ACER1: variants seen among roughly 807,000 people sequenced by gnomAD.
ACER1 encodes the protein alkaline ceramidase 1.
Under a neutral mutation model 24.9 loss-of-function variants are expected in ACER1, and 28 were observed. That is an observed-to-expected ratio of 1.13 (90% CI 0.83 to 1.54). ACER1 has a LOEUF of 1.54. Ranked by LOEUF, ACER1 falls within the 40% of genes most tolerant of loss-of-function variation. The probability of loss-of-function intolerance (pLI) is 0.00; values close to 1 mark genes in which losing one functional copy is unlikely to be tolerated. For missense variants in ACER1, 352 were observed against 349.3 expected (o/e 1.01, Z -0.06); for synonymous variants, 132 against 131.4 (o/e 1.00, Z -0.03).
chr19:6,358,635 A>AGTAAGT, the ACER1 span, among the ~76,000 whole-genome samples: 1 of 150,564 alleles, frequency 6.6e-6, no homozygotes, highest in Non-Finnish European at 1.5e-5. Flanking sequence ...TCAAAAAAAA[A>AGTAAGT]AAAAAAAGAG....
intron 1 of ACER1, among the ~76,000 whole-genome samples, chr19:6,329,867 A>T (rs75707041): frequency 6.6e-6 from 1 of 150,758 alleles, no homozygotes; most frequent in Non-Finnish European, 1.5e-5. Flanking sequence ...TTAATTTTTT[A>T]ATTTTTAATT....
intron 3 of ACER1, among the ~76,000 whole-genome samples, chr19:6,311,365 G>A (rs962949907): frequency 1.3e-5 from 2 of 151,808 alleles, no homozygotes; most frequent in African/African-American, 2.4e-5. Context: ...CCAACATGGT[G>A]AAACCGTCTC....
the ACER1 span, chr19:6,353,211 A>G: frequency 6.6e-6 from 1 of 152,226 alleles, no homozygotes; most frequent in Admixed American, 6.6e-5. Flanking sequence ...TTGCGCCTAT[A>G]GTCTCAGCTG....
chr19:6,331,218 T>G (rs981041805), intron 1 of ACER1, among the ~76,000 whole-genome samples: 1 of 147,198 alleles, frequency 6.8e-6, no homozygotes, highest in Non-Finnish European at 1.5e-5. Context: ...GACACAATCT[T>G]GGCTCACTGC....
intron 1 of ACER1, among the ~76,000 whole-genome samples, chr19:6,320,352 A>G (rs151137730): frequency 0.066 from 10,070 of 152,042 alleles, 370 homozygotes; most frequent in East Asian, 0.12. Flanking sequence ...TCACTCTGTC[A>G]CCCAGGCTGG....
At chr19:6,338,888 T>TA in the ACER1 span, among the ~76,000 whole-genome samples, 1 of 151,676 alleles carries the variant, frequency 6.6e-6, no homozygotes. Context: ...AAATCTTTTT[T>TA]TTTTTTTAAG....
At chr19:6,352,002 G>A in the ACER1 span, among the ~76,000 whole-genome samples, 16 of 147,786 alleles carry the variant, frequency 1.1e-4, no homozygotes, top group African/African-American at 4.0e-4. Context: ...CTTGCAGTGA[G>A]CCGAGATCAC....
intron 1 of ACER1, among the ~76,000 whole-genome samples, chr19:6,326,047 T>C (rs2091659557): frequency 1.3e-5 from 2 of 148,160 alleles, no homozygotes; most frequent in African/African-American, 5.0e-5. Flanking sequence ...CTTGAACTCC[T>C]GGGCTCAAGC....
At chr19:6,332,448 C>G (rs10401136) in intron 1 of ACER1, among the ~76,000 whole-genome samples, 7,516 of 151,326 alleles carry the variant, frequency 0.05, 277 homozygotes, top group African/African-American at 0.11. Context: ...TTTTTAAAAA[C>G]TTTTTGTAGA....
the ACER1 span, among the ~76,000 whole-genome samples, chr19:6,347,955 C>G: frequency 6.6e-6 from 1 of 151,126 alleles, no homozygotes; most frequent in East Asian, 2.0e-4. Context: ...GTTGGGAGGC[C>G]AAGGTGGGGG....
intron 1 of ACER1, among the ~76,000 whole-genome samples, chr19:6,318,048 G>C (rs868458822): frequency 6.6e-6 from 1 of 152,104 alleles, no homozygotes; most frequent in South Asian, 2.1e-4. Context: ...CAGGCTGGGC[G>C]CGGTGGCTCA....
At chr19:6,323,431 G>GA (rs973461659) in intron 1 of ACER1, among the ~76,000 whole-genome samples, 6 of 142,064 alleles carry the variant, frequency 4.2e-5, no homozygotes, top group African/African-American at 1.4e-4. Context: ...AAAAAAAAAA[G>GA]AAAAAAAGAA....
At chr19:6,337,661 CTT>C (rs1192304687), upstream of ACER1, among the ~76,000 whole-genome samples, 69 of 25,916 alleles carry the variant, frequency 2.7e-3, no homozygotes, top group African/African-American at 9.5e-3. Flanking sequence ...TTCTTTCTTT[CTT>C]TTTTTTTTTT....
chr19:6,334,052 G>GT (rs112838660), upstream of ACER1, among the ~76,000 whole-genome samples: 2,377 of 143,874 alleles, frequency 0.017, 35 homozygotes, highest in Non-Finnish European at 0.024. Flanking sequence ...CTAGCTAATT[G>GT]TTTTTTTTTT....
chr19:6,326,558 C>T (rs1363829971), intron 1 of ACER1, among the ~76,000 whole-genome samples: 1 of 147,964 alleles, frequency 6.8e-6, no homozygotes, highest in East Asian at 1.9e-4. Flanking sequence ...AGCCACCACA[C>T]TTGCCCCCCA....
the ACER1 span, among the ~76,000 whole-genome samples, chr19:6,342,939 G>A: frequency 1.7e-3 from 253 of 151,828 alleles, no homozygotes; most frequent in African/African-American, 5.9e-3. Flanking sequence ...CACTGTGCCC[G>A]GCTAATTTTG....
At chr19:6,312,979 CTT>C (rs945437102) in intron 1 of ACER1, among the ~76,000 whole-genome samples, 3 of 152,128 alleles carry the variant, frequency 2.0e-5, no homozygotes, top group African/African-American at 7.2e-5. Flanking sequence ...CACCTAGCCA[CTT>C]TTCAGCTGAT....
chr19:6,330,775 A>T (rs1015070448), intron 1 of ACER1, among the ~76,000 whole-genome samples: 1 of 149,762 alleles, frequency 6.7e-6, no homozygotes, highest in Non-Finnish European at 1.5e-5. Flanking sequence ...TAGAGGTGGG[A>T]CTACTGAGGA....
chr19:6,306,600 G>A lies in ACER1; in HGVS notation c.*114C>T, dbSNP rs966292518. On this transcript the variant is annotated 3_prime_UTR_variant, in exon 6 of 6. Transcript: ENST00000301452. ...CGCAGGACAAGGAGGACACGGAAGGGGAAACAGAGGAAGGAACCACGAGTG... is the reference window on the plus strand; with the variant it reads ...CGCAGGACAAGGAGGACACGGAAGGAGAAACAGAGGAAGGAACCACGAGTG... 10 of 1,295,204 alleles carry A rather than the reference G, an allele frequency of 7.7e-6. No homozygotes were observed. In the African/African-American group the frequency reaches 1.5e-4, roughly 19 times the overall value. 80.2% of individuals were successfully genotyped at this position (1,295,204 alleles called of 1,614,324 possible).
Sources: allele counts gnomAD v4.1 joint callset (sites outside exome capture counted in the v4.1 genomes callset), GRCh38; gene constraint gnomAD v4.1.1; transcripts MANE v1.5; gene names NCBI Gene and HGNC (gene_info 2026-07-23, HGNC 2026-07-21).